Variants in ST3GAL3 observed in about 807,000 individuals in gnomAD.
The protein encoded by ST3GAL3 is CMP-N-acetylneuraminate-beta-1,4-galactoside alpha-2,3-sialyltransferase.
ST3GAL3 carries 21 observed loss-of-function variants against 50.1 expected under a neutral mutation model. The observed-to-expected ratio is 0.42, with a 90% CI of 0.30 to 0.60. ST3GAL3 has a LOEUF of 0.60. Ranked by LOEUF, ST3GAL3 falls within the 20% of genes least tolerant of loss-of-function variation. The pLI is 0.19. For missense variants in ST3GAL3, 353 were observed against 489.4 expected (o/e 0.72, Z 2.63); for synonymous variants, 183 against 190.0 (o/e 0.96, Z 0.30).
chr1:43,814,858 AC>A (rs770416886), intron 3 of ST3GAL3, 32 bp from the exon 4 acceptor site: 11 of 1,612,072 alleles, frequency 6.8e-6, no homozygotes, highest in Non-Finnish European at 9.3e-6. Context: ...CAGTGACTTG[AC>A]TTCAGTGACA....
chr1:43,721,176 T>C lies in ST3GAL3; in HGVS notation c.-31+13483T>C, dbSNP rs540192764. ...GGGAGGATCACTTGAGCCCAGTAGTTGGAGGCTGCAGTGTGATATGATCGT... is the reference window on the plus strand; with the variant it reads ...GGGAGGATCACTTGAGCCCAGTAGTCGGAGGCTGCAGTGTGATATGATCGT... On this transcript the variant is annotated intron_variant, in intron 1 of 11. Transcript: ENST00000347631. Among the ~76,000 whole-genome samples, 32 of 151,700 alleles carry C rather than the reference T, an allele frequency of 2.1e-4. No individual in the cohort carries two copies. The East Asian group carries it at 6.0e-3, about 29-fold the overall frequency.
chr1:43,838,004 A>G (rs2064676904), intron 4 of ST3GAL3, among the ~76,000 whole-genome samples: 1 of 146,814 alleles, frequency 6.8e-6, no homozygotes, highest in South Asian at 2.2e-4. Flanking sequence ...TATCCCAGCC[A>G]CTCGGGAGGC....
At chr1:43,896,578 T>C (rs1445067581) in intron 6 of ST3GAL3, among the ~76,000 whole-genome samples, 1 of 152,154 alleles carries the variant, frequency 6.6e-6, no homozygotes, top group Admixed American at 6.5e-5. Context: ...AGGGTCTTGC[T>C]TTGTCACCCA....
intron 4 of ST3GAL3, among the ~76,000 whole-genome samples, chr1:43,834,033 C>A (rs61770260): frequency 6.6e-6 from 1 of 152,012 alleles, no homozygotes; most frequent in African/African-American, 2.4e-5. Context: ...CGGTGGCAGG[C>A]GCCTGTAACC....
chr1:43,779,595 C>A (rs753728970), intron 2 of ST3GAL3, among the ~76,000 whole-genome samples: 2 of 152,032 alleles, frequency 1.3e-5, no homozygotes, highest in African/African-American at 4.8e-5. Context: ...TGAGTATTAC[C>A]TACTGACTTT....
intron 2 of ST3GAL3, among the ~76,000 whole-genome samples, chr1:43,787,071 G>A (rs1013767036): frequency 6.6e-6 from 1 of 152,100 alleles, no homozygotes; most frequent in Non-Finnish European, 1.5e-5. Flanking sequence ...ATTCCACTTC[G>A]GAAACCAGAC....
At chr1:43,877,024 T>C (rs1480097246) in intron 5 of ST3GAL3, among the ~76,000 whole-genome samples, 5 of 152,176 alleles carry the variant, frequency 3.3e-5, no homozygotes, top group South Asian at 2.1e-4. Flanking sequence ...GGAATTCTTA[T>C]TGTGGGACAG....
intron 1 of ST3GAL3, among the ~76,000 whole-genome samples, chr1:43,724,002 G>A (rs1273260600): frequency 1.3e-5 from 2 of 152,106 alleles, no homozygotes; most frequent in Non-Finnish European, 2.9e-5. Context: ...TTGCTTTGGG[G>A]ATATCTGCAG....
chr1:43,878,696 T>A (rs1439148868), intron 5 of ST3GAL3, among the ~76,000 whole-genome samples: 1 of 152,150 alleles, frequency 6.6e-6, no homozygotes, highest in East Asian at 1.9e-4. Flanking sequence ...GATGTCAGCC[T>A]TTACTCTGAG....
Position 43,899,583 on chromosome 1 carries a change from C to G in ST3GAL3, c.600C>G (p.Gly200=). The part of the protein sequence containing the change: ...APVKGFEKDV[G]SKTTLRITYP... ...TGAAAGGCTTTGAGAAGGACGTGGG[C>G]AGCAAAACGACACTGCGCATCACCT... The change falls in exon 9 of 12, where the codon GGC becomes GGG. Residue 200 remains glycine, a synonymous_variant. Transcript: ENST00000347631. This position sits in a 1 kb window ranked among gnomAD's most constrained non-coding sequence, Gnocchi z 5.4. 6.2e-7 allele frequency: 1 copy of G among 1,614,036 alleles called. No homozygotes were observed. Among genetic ancestry groups the G allele is most frequent in the Non-Finnish European group, 8.5e-7 (1 of 1,180,038 alleles).
intron 2 of ST3GAL3, among the ~76,000 whole-genome samples, chr1:43,741,524 G>A (rs1463652249): frequency 6.6e-6 from 1 of 152,194 alleles, no homozygotes; most frequent in Non-Finnish European, 1.5e-5. Context: ...GCGGAAGTTG[G>A]ATCTGATATT....
intron 5 of ST3GAL3, among the ~76,000 whole-genome samples, chr1:43,860,044 G>T (rs2154229593): frequency 6.6e-6 from 1 of 152,242 alleles, no homozygotes; most frequent in East Asian, 1.9e-4. Flanking sequence ...ACACACAGGG[G>T]TCCCTGATAC....
intron 4 of ST3GAL3, among the ~76,000 whole-genome samples, chr1:43,836,408 A>G (rs1246978758): frequency 6.6e-6 from 1 of 152,208 alleles, no homozygotes; most frequent in Middle Eastern, 3.2e-3. Flanking sequence ...TCTAAAAGAA[A>G]TTGTGCATTG....
At chr1:43,774,286 A>T (rs1696365034) in intron 2 of ST3GAL3, among the ~76,000 whole-genome samples, 3 of 151,972 alleles carry the variant, frequency 2.0e-5, no homozygotes, top group South Asian at 4.2e-4. Flanking sequence ...TGCTATTGTT[A>T]CTCTTGTTTC....
At chr1:43,780,483 C>T (rs1200863614) in intron 2 of ST3GAL3, among the ~76,000 whole-genome samples, 2 of 152,056 alleles carry the variant, frequency 1.3e-5, no homozygotes, top group African/African-American at 4.8e-5. Flanking sequence ...TTGAGTTATT[C>T]TTTTCAGCAT....
At chr1:43,792,775 T>C (rs879222323) in intron 3 of ST3GAL3, among the ~76,000 whole-genome samples, 2 of 152,324 alleles carry the variant, frequency 1.3e-5, no homozygotes, top group Admixed American at 1.3e-4. Flanking sequence ...GGCTCTGCCA[T>C]GTCTAGGGCA....
chr1:43,767,824 TAAAAAAAAA>T (rs71579310), intron 2 of ST3GAL3, among the ~76,000 whole-genome samples: 1 of 144,222 alleles, frequency 6.9e-6, no homozygotes, highest in African/African-American at 2.6e-5. Flanking sequence ...AAAGTATAAT[TAAAAAAAAA>T]AAAAGAAAAT....
At chr1:43,904,350 T>C (rs1049085737) in intron 9 of ST3GAL3, among the ~76,000 whole-genome samples, 4 of 152,048 alleles carry the variant, frequency 2.6e-5, no homozygotes, top group African/African-American at 9.7e-5. Context: ...CCTGGGAGAC[T>C]CAGTGCAGGC....
At chr1:43,773,907 A>G (rs1019264741) in intron 2 of ST3GAL3, among the ~76,000 whole-genome samples, 1 of 152,218 alleles carries the variant, frequency 6.6e-6, no homozygotes, top group Non-Finnish European at 1.5e-5. Context: ...TATCACCTAC[A>G]TAGTGTCTGT....
Sources: gnomAD v4.1 joint callset for allele counts (sites outside exome capture counted in the v4.1 genomes callset) on GRCh38, gnomAD v4.1.1 for gene constraint, Gnocchi (gnomAD v3.1) non-coding constraint, MANE v1.5 for transcripts, NCBI Gene and HGNC (gene_info 2026-07-23, HGNC 2026-07-21) for gene names.